Variants in ROBO2 observed in about 807,000 individuals in gnomAD.
ROBO2 encodes roundabout guidance receptor 2.
ROBO2 carries 53 observed loss-of-function variants against 160.8 expected under a neutral mutation model. That is an observed-to-expected ratio of 0.33 (90% CI 0.26 to 0.41). ROBO2 has a LOEUF of 0.41. Among genes scored for constraint, ROBO2 ranks in the 10% least tolerant of loss-of-function variants. The pLI, the probability that ROBO2 is intolerant of heterozygous loss-of-function variation, is 1.00. For synonymous variants in ROBO2, 664 were observed against 611.7 expected (o/e 1.09, Z -1.26); for missense variants, 1,577 against 1,722.4 (o/e 0.92, Z 1.49).
At chr3:76,112,349 C>A (rs1451477788) in intron 2 of ROBO2, among the ~76,000 whole-genome samples, 1 of 152,036 alleles carries the variant, frequency 6.6e-6, no homozygotes, top group Non-Finnish European at 1.5e-5. Context: ...TCAGAATGCA[C>A]TAATGTTCTT....
chr3:77,482,113 G>A (rs6770694), intron 4 of ROBO2, among the ~76,000 whole-genome samples: 119,464 of 152,156 alleles, frequency 0.79, 47,716 homozygotes, highest in African/African-American at 0.95. Context: ...GTATGTATGT[G>A]TATGTACATG....
At chr3:76,463,713 G>T (rs965950817) in intron 2 of ROBO2, among the ~76,000 whole-genome samples, 3 of 152,126 alleles carry the variant, frequency 2.0e-5, no homozygotes, top group African/African-American at 7.2e-5. Flanking sequence ...CATCAGGACA[G>T]CCATAGATCC....
At chr3:76,494,429 T>C (rs1042139227) in intron 2 of ROBO2, among the ~76,000 whole-genome samples, 9 of 152,160 alleles carry the variant, frequency 5.9e-5, no homozygotes, top group Non-Finnish European at 1.0e-4. Context: ...ACTCCATTGA[T>C]CAAAGACATG....
chr3:76,285,292 T>A (rs1272018217), intron 2 of ROBO2, among the ~76,000 whole-genome samples: 1 of 152,128 alleles, frequency 6.6e-6, no homozygotes, highest in African/African-American at 2.4e-5. Flanking sequence ...AAAAGTTATT[T>A]TATTGCAAAC....
intron 2 of ROBO2, among the ~76,000 whole-genome samples, chr3:77,319,821 G>A (rs1483373748): frequency 2.0e-5 from 3 of 152,134 alleles, no homozygotes; most frequent in Admixed American, 1.3e-4. Flanking sequence ...ATTTGAAAAT[G>A]CACTTAGAAA....
At chr3:76,746,713 G>A (rs1002620510) in intron 2 of ROBO2, among the ~76,000 whole-genome samples, 21 of 152,094 alleles carry the variant, frequency 1.4e-4, no homozygotes, top group African/African-American at 3.4e-4. Flanking sequence ...ACAGGTAAAC[G>A]TGTGCCACGG....
chr3:77,458,733 G>A (rs2081949293), intron 2 of ROBO2, among the ~76,000 whole-genome samples: 1 of 151,974 alleles, frequency 6.6e-6, no homozygotes, highest in Non-Finnish European at 1.5e-5. Context: ...TCACAGCATG[G>A]CATAATAACT....
intron 2 of ROBO2, among the ~76,000 whole-genome samples, chr3:76,239,378 A>G (rs1307508277): frequency 1.4e-5 from 2 of 146,508 alleles, no homozygotes; most frequent in African/African-American, 2.4e-5. Flanking sequence ...ATATATGTAC[A>G]TATATAGTAT....
chr3:76,454,198 A>C (rs566084642), intron 2 of ROBO2, among the ~76,000 whole-genome samples: 1 of 152,302 alleles, frequency 6.6e-6, no homozygotes, highest in African/African-American at 2.4e-5. Flanking sequence ...TATTACTGCT[A>C]TCAAAAGCAC....
chr3:77,170,639 A>G (rs919049126), intron 2 of ROBO2, among the ~76,000 whole-genome samples: 8 of 152,094 alleles, frequency 5.3e-5, no homozygotes, highest in African/African-American at 1.9e-4. Flanking sequence ...ATTTTGCCCT[A>G]ATTATGGTTT....
At chr3:76,970,895 T>C (rs1577946470) in intron 2 of ROBO2, among the ~76,000 whole-genome samples, 1 of 152,192 alleles carries the variant, frequency 6.6e-6, no homozygotes, top group South Asian at 2.1e-4. Context: ...CCTGTTACCA[T>C]TCATGGCAAA....
Position 76,723,248 on chromosome 3 carries a change from G to T in ROBO2, c.110-374766G>T, listed in dbSNP as rs1466345351. On this transcript the variant is annotated intron_variant, in intron 2 of 26. Transcript: ENST00000487694. ...TTTCGAAATAAAATATGCTATTAAG[G>T]TAAGTTTCTATCAACTGATTAAATG... Among the ~76,000 whole-genome samples the T allele has an allele frequency of 2.0e-5, 3 of 152,014 alleles. 1 individual carries two copies. Among genetic ancestry groups the T allele is most frequent in the Admixed American group, 2.0e-4 (3 of 15,262 alleles).
At chr3:76,726,144 T>C (rs906657496) in intron 2 of ROBO2, among the ~76,000 whole-genome samples, 1 of 152,062 alleles carries the variant, frequency 6.6e-6, no homozygotes. Context: ...GACTCACTTC[T>C]TTTTGCTTTT....
At chr3:77,487,312 A>G (rs1398495192) in intron 4 of ROBO2, among the ~76,000 whole-genome samples, 1 of 152,128 alleles carries the variant, frequency 6.6e-6, no homozygotes, top group Non-Finnish European at 1.5e-5. Flanking sequence ...CTAATGGTGG[A>G]ATGAATAGGC....
At chr3:76,773,191 A>G (rs963456096) in intron 2 of ROBO2, among the ~76,000 whole-genome samples, 2 of 151,034 alleles carry the variant, frequency 1.3e-5, no homozygotes, top group Non-Finnish European at 3.0e-5. Context: ...CAACATGATT[A>G]AATCTGTCAT....
chr3:76,416,725 G>A (rs1028720013), intron 2 of ROBO2, among the ~76,000 whole-genome samples: 1 of 152,106 alleles, frequency 6.6e-6, no homozygotes, highest in African/African-American at 2.4e-5. Flanking sequence ...GATTTGACAG[G>A]CTCTCTAGAC....
chr3:75,992,672 A>T (rs972671503), intron 2 of ROBO2, among the ~76,000 whole-genome samples: 3 of 152,188 alleles, frequency 2.0e-5, no homozygotes, highest in African/African-American at 7.2e-5. Flanking sequence ...TCCAGAACTC[A>T]GAATGGTAGA....
intron 2 of ROBO2, among the ~76,000 whole-genome samples, chr3:76,741,918 A>G (rs2093807619): frequency 6.6e-6 from 1 of 152,102 alleles, no homozygotes; most frequent in Non-Finnish European, 1.5e-5. Context: ...CTAATATAGT[A>G]TAATGAGGCC....
chr3:76,388,585 CTG>C (rs1328003701), intron 2 of ROBO2, among the ~76,000 whole-genome samples: 1 of 152,176 alleles, frequency 6.6e-6, no homozygotes, highest in African/African-American at 2.4e-5. Flanking sequence ...ATTTACTCTT[CTG>C]TCCCTACAGC....
Sources: allele counts gnomAD v4.1 joint callset (sites outside exome capture counted in the v4.1 genomes callset), GRCh38; gene constraint gnomAD v4.1.1; transcripts MANE v1.5; gene names NCBI Gene and HGNC (gene_info 2026-07-23, HGNC 2026-07-21).